ELP6: variants seen among roughly 807,000 people sequenced by gnomAD.
ELP6 encodes the protein elongator acetyltransferase complex subunit 6, also known as elongator complex protein 6.
In ELP6, 23 loss-of-function variants were observed where a neutral mutation model predicts 28.1. That is an observed-to-expected ratio of 0.82 (90% CI 0.59 to 1.16). ELP6 has a LOEUF of 1.16. Ranked by LOEUF, ELP6 falls within the 50% of genes most tolerant of loss-of-function variation. The pLI is 0.00. For synonymous variants in ELP6, 132 were observed against 135.8 expected (o/e 0.97, Z 0.19); for missense variants, 313 against 334.6 (o/e 0.94, Z 0.50).
chr3:47,500,851 A>C (rs770993029), intron 5 of ELP6, among the ~76,000 whole-genome samples: 34 of 152,166 alleles, frequency 2.2e-4, no homozygotes, highest in Non-Finnish European at 3.4e-4. Context: ...CAGTTAGCTT[A>C]TCTCTCCCAT....
At chr3:47,512,436 C>T (rs1229176540) in intron 1 of ELP6, among the ~76,000 whole-genome samples, 1 of 152,186 alleles carries the variant, frequency 6.6e-6, no homozygotes, top group East Asian at 1.9e-4. Context: ...CCTGCAATCC[C>T]AGCTACTTGG....
chr3:47,512,991 CTTTTT>C (rs35559100), intron 1 of ELP6: 5 of 928,448 alleles, frequency 5.4e-6, no homozygotes, highest in African/African-American at 2.0e-5. Context: ...TTCCCAGGTA[CTTTTT>C]TTTTTTTTTT....
intron 1 of ELP6, chr3:47,512,991 C>CTT (rs35559100): frequency 7.9e-5 from 73 of 927,464 alleles, no homozygotes; most frequent in Non-Finnish European, 8.6e-5. Flanking sequence ...TTCCCAGGTA[C>CTT]TTTTTTTTTT....
At chr3:47,512,735 A>G (rs374655341) in intron 1 of ELP6, 2 of 964,558 alleles carry the variant, frequency 2.1e-6, no homozygotes, top group African/African-American at 1.8e-5. Context: ...TAACAGTTCT[A>G]TTAGAGATCA....
rs1300747289 is a variant in ELP6 at position 47,504,183 on chromosome 3, T to C, written c.323+147A>G. The C allele has an allele frequency of 4.1e-6, 4 of 978,732 alleles. No homozygotes were observed. The East Asian group carries it at 1.1e-4, about 26-fold the overall frequency. 60.6% of individuals were successfully genotyped at this position (978,732 alleles called of 1,614,324 possible). A position where few individuals can be genotyped will look rare whatever the true frequency, so the allele number is the denominator to read the frequency against. On this transcript the variant is annotated intron_variant, in intron 4 of 6. Coordinates refer to ENST00000296149, the MANE Select transcript of ELP6 (RefSeq NM_001031703.3). The stretch of plus-strand genomic sequence containing the variant: ...CCCCATGATAAGAGCCAGCATTTGA[T>C]GATGCTGCAACACCAGATGAAGTGT...
At position 47,511,407 on chromosome 3, in the gene ELP6, T is replaced by C. The variant is rs1043115096; in HGVS notation, c.55-181A>G. The stretch of plus-strand genomic sequence containing the variant: ...ATAAGTCAAAATTATGGAAAATCCA[T>C]GACTAAAGTTATCACTTATTGTTAC... On this transcript the variant is annotated intron_variant, in intron 1 of 6. Coordinates refer to ENST00000296149, the MANE Select transcript of ELP6 (RefSeq NM_001031703.3). The C allele has an allele frequency of 1.1e-5, 15 of 1,410,614 alleles. No homozygotes were observed. In the Admixed American group the frequency reaches 3.1e-4, roughly 29 times the overall value. The allele number at this position is 1,410,614 out of a possible 1,614,324, so 87.4% of individuals were successfully genotyped here.
At position 47,504,396 on chromosome 3, in the gene ELP6, C is replaced by T. The variant is rs2108101137; in HGVS notation, c.257G>A (p.Gly86Glu). The change falls in exon 4 of 7, where the codon GGA becomes GAA. Residue 86 changes from glycine (G) to glutamate (E), a missense_variant. Transcript: ENST00000296149. ...RERGQLVFLE[G>E]LKSAVDVVFQ... ...GACGACGTCCACTGCAGACTTGAGT[C>T]CCTCAAGGAACACAAGCTGCCCACG... is the stretch of plus-strand genomic sequence containing the variant. 6.2e-7 allele frequency: 1 copy of T among 1,609,910 alleles called. No homozygotes were observed. Among genetic ancestry groups the T allele is most frequent in the African/African-American group, 1.3e-5 (1 of 74,880 alleles).
chr3:47,498,668 T>C (rs1341690823), intron 5 of ELP6: 1 of 985,304 alleles, frequency 1.0e-6, no homozygotes, highest in African/African-American at 1.7e-5. Context: ...GCTCACTTCA[T>C]CTAAACCAAC....
chr3:47,505,850 G>T (rs1309187795), intron 3 of ELP6, among the ~76,000 whole-genome samples: 1 of 152,200 alleles, frequency 6.6e-6, no homozygotes, highest in African/African-American at 2.4e-5. Flanking sequence ...GGGATTACAG[G>T]CGTGAGCCAC....
intron 3 of ELP6, among the ~76,000 whole-genome samples, chr3:47,506,020 C>T (rs890552823): frequency 5.3e-5 from 8 of 152,172 alleles, no homozygotes; most frequent in East Asian, 3.9e-4. Context: ...AAGCGTTGGC[C>T]GGCTTGAGAA....
chr3:47,500,087 G>A (rs769552636), intron 5 of ELP6: 16 of 1,214,852 alleles, frequency 1.3e-5, no homozygotes, highest in East Asian at 6.4e-5. Context: ...GCTTGTGAAC[G>A]GCAGAAAGGA....
At chr3:47,508,263 A>C (rs984305214) in intron 3 of ELP6, among the ~76,000 whole-genome samples, 17 of 152,166 alleles carry the variant, frequency 1.1e-4, no homozygotes, top group African/African-American at 4.1e-4. Context: ...GTATTTATTG[A>C]GATGGAGTCT....
chr3:47,513,065 A>C (rs2029916096), intron 1 of ELP6: 4 of 949,514 alleles, frequency 4.2e-6, no homozygotes, highest in South Asian at 4.7e-5. Flanking sequence ...ATCTCGGGTC[A>C]CTGCAACCTC....
At chr3:47,504,288 C>G (rs1708758843) in intron 4 of ELP6, 42 bp downstream of exon 4, 3 of 1,540,770 alleles carry the variant, frequency 1.9e-6, no homozygotes, top group Non-Finnish European at 1.8e-6. Flanking sequence ...CTGGGCCCAC[C>G]TGCCACGTGT....
intron 3 of ELP6, among the ~76,000 whole-genome samples, chr3:47,508,388 C>T (rs1418234628): frequency 1.3e-5 from 2 of 152,046 alleles, no homozygotes; most frequent in Admixed American, 6.6e-5. Context: ...GGATTATAGG[C>T]GTGAGCCACC....
intron 6 of ELP6, chr3:47,497,870 G>A (rs564387944): frequency 1.3e-6 from 1 of 765,284 alleles, no homozygotes; most frequent in African/African-American, 1.9e-5. Flanking sequence ...GGCGGAGGTT[G>A]CAGTGAGCCA....
chr3:47,512,901 G>A (rs2029902165), intron 1 of ELP6: 1 of 985,520 alleles, frequency 1.0e-6, no homozygotes, highest in Non-Finnish European at 1.2e-6. Flanking sequence ...GAGCGCCTGG[G>A]ACCCCCCACC....
chr3:47,500,403 G>GA (rs1185518651), intron 5 of ELP6: 23 of 209,878 alleles, frequency 1.1e-4, no homozygotes, highest in Middle Eastern at 2.4e-3. Context: ...TAAAAATATA[G>GA]AAAAAAAACA....
chr3:47,509,338 C>G (rs1434589523), intron 3 of ELP6, among the ~76,000 whole-genome samples: 4 of 152,202 alleles, frequency 2.6e-5, no homozygotes, highest in Admixed American at 1.3e-4. Context: ...TGTCCAAATA[C>G]AAACCAAAAA....
Sources: gnomAD v4.1 joint callset for allele counts (sites outside exome capture counted in the v4.1 genomes callset) on GRCh38, gnomAD v4.1.1 for gene constraint, MANE v1.5 for transcripts, NCBI Gene and HGNC (gene_info 2026-07-23, HGNC 2026-07-21) for gene names.